PCDHGB1: variants seen among roughly 807,000 people sequenced by gnomAD.
PCDHGB1 encodes protocadherin gamma subfamily B, 1.
PCDHGB1 carries 34 observed loss-of-function variants against 56.6 expected under a neutral mutation model. The observed-to-expected ratio is 0.60, with a 90% CI of 0.46 to 0.80. The LOEUF is 0.80. Among genes scored for constraint, PCDHGB1 ranks in the 30% least tolerant of loss-of-function variants. PCDHGB1 has a pLI of 0.00. For synonymous variants in PCDHGB1, 561 were observed against 505.9 expected (o/e 1.11, Z -1.46); for missense variants, 1,278 against 1,204.6 (o/e 1.06, Z -0.90).
intron 1 of PCDHGB1, chr5:141,365,522 G>A (rs771198048): frequency 1.9e-6 from 3 of 1,613,770 alleles, no homozygotes; most frequent in African/African-American, 1.3e-5. Context: ...GGAGAAGTCA[G>A]TTGATAATTA....
chr5:141,394,393 A>G lies in PCDHGB1; in HGVS notation c.2409+41724A>G, dbSNP rs201461446. ...TCTTTCGACTATGAGCAGATCCGAG[A>G]CCTGCAGCTACTGGTAACAGCCAGC... On this transcript the variant is annotated intron_variant, in intron 1 of 3. Coordinates refer to ENST00000523390, the MANE Select transcript of PCDHGB1 (RefSeq NM_018922.3). The G allele has an allele frequency of 4.3e-4, 696 of 1,614,048 alleles. No individual in the cohort carries two copies. The highest frequency in any genetic ancestry group is 5.7e-4 in the Non-Finnish European group (671 of 1,180,036).
At chr5:141,366,182 G>T (rs1449596963) in intron 1 of PCDHGB1, 4 of 1,613,888 alleles carry the variant, frequency 2.5e-6, no homozygotes, top group African/African-American at 1.3e-5. Flanking sequence ...AGGACTCTTT[G>T]CGGTTGGGCT....
In PCDHGB1 at chr5:141,375,798, C is replaced by T. The variant is rs368947176; in HGVS notation, c.2409+23129C>T. On this transcript the variant is annotated intron_variant, in intron 1 of 3. Coordinates refer to ENST00000523390, the MANE Select transcript of PCDHGB1 (RefSeq NM_018922.3). ...TACCCCGCCCTCCCCACAGACGGTT[C>T]CACTGGCGTGGAGCTGGCGCCCCGC... 11 of 1,614,124 alleles carry T rather than the reference C, an allele frequency of 6.8e-6. No individual in the cohort carries two copies. The African/African-American group carries it at 1.1e-4, about 16-fold the overall frequency.
chr5:141,503,598 CAAAAA>C (rs765754054), intron 2 of PCDHGB1, among the ~76,000 whole-genome samples: 1 of 65,760 alleles, frequency 1.5e-5, no homozygotes, highest in African/African-American at 4.7e-5. Context: ...GACTCCAGCT[CAAAAA>C]AAAAAAAAAA....
rs186490614 is a variant in PCDHGB1 at position 141,415,986 on chromosome 5, T to A, written c.2409+63317T>A. 2.6e-4 allele frequency: 85 copies of A among 328,664 alleles called. 1 individual carries two copies. The highest frequency in any genetic ancestry group is 1.7e-3 in the African/African-American group (80 of 46,398). 20.4% of individuals were successfully genotyped at this position (328,664 alleles called of 1,614,324 possible). On this transcript the variant is annotated intron_variant, in intron 1 of 3. Transcript: ENST00000523390. ...CCAGCCCCTTAAGCAACCCTCTTGT[T>A]CTGAAGGCAGGTCTGGTAAGAATAG...
At chr5:141,389,445 G>A (rs749321526) in intron 1 of PCDHGB1, 7 of 1,610,526 alleles carry the variant, frequency 4.3e-6, no homozygotes, top group Non-Finnish European at 5.1e-6. Context: ...CTTCGACCAC[G>A]AGCAGCTGCG....
intron 1 of PCDHGB1, chr5:141,415,453 G>A (rs759873920): frequency 1.9e-6 from 3 of 1,614,176 alleles, no homozygotes. Context: ...CTATTCCCAC[G>A]AGGTCTCTCT....
At chr5:141,400,036 C>G (rs1232257433) in intron 1 of PCDHGB1, 28 of 1,613,256 alleles carry the variant, frequency 1.7e-5, no homozygotes, top group Non-Finnish European at 2.4e-5. Context: ...GGCCCGCCAG[C>G]GCCTGCTGGT....
intron 1 of PCDHGB1, chr5:141,399,280 G>T (rs750453381): frequency 6.2e-7 from 1 of 1,613,836 alleles, no homozygotes; most frequent in Non-Finnish European, 8.5e-7. Flanking sequence ...ATTACAAGGC[G>T]AAGTCCCTTT....
rs2099411033 is a variant in PCDHGB1, at chr5:141,477,423, C to T, written c.2410-17384C>T. ...ACCGCCCGAGACGCCGGAACCCCTT[C>T]CCTCTCAGCCCTTACAATAGTGCGT... On this transcript the variant is annotated intron_variant, in intron 1 of 3. Coordinates refer to ENST00000523390, the MANE Select transcript of PCDHGB1 (RefSeq NM_018922.3). This position sits in a 1 kb window ranked among gnomAD's most constrained non-coding sequence, Gnocchi z 4.9. 1.9e-6 allele frequency: 3 copies of T among 1,614,196 alleles called. No individual in the cohort carries two copies. The highest frequency in any genetic ancestry group is 2.2e-5 in the East Asian group (1 of 44,882).
rs1228831823 is a variant in PCDHGB1, at chr5:141,487,778, T to C, written c.2410-7029T>C. ...GGTAGACGCTGTGCTTTGTAACTGT[T>C]TCGTGAATTAACCAGAGTTGTCACA... On this transcript the variant is annotated intron_variant, in intron 1 of 3. Coordinates refer to ENST00000523390, the MANE Select transcript of PCDHGB1 (RefSeq NM_018922.3). The surrounding 1 kb of genome is among the most constrained non-coding windows in gnomAD (Gnocchi z 5.0). The C allele has an allele frequency of 6.5e-7, 1 of 1,531,514 alleles. No individual in the cohort carries two copies. The highest frequency in any genetic ancestry group is 2.0e-5 in the Admixed American group (1 of 49,632). 94.9% of individuals were successfully genotyped at this position (1,531,514 alleles called of 1,614,324 possible).
At chr5:141,468,889 G>T (rs2099184580) in intron 1 of PCDHGB1, among the ~76,000 whole-genome samples, 1 of 151,496 alleles carries the variant, frequency 6.6e-6, no homozygotes, top group African/African-American at 2.4e-5. Flanking sequence ...ATAATAATAA[G>T]GTACTAATAT....
chr5:141,376,417 G>A (rs750081761), intron 1 of PCDHGB1: 30 of 1,614,148 alleles, frequency 1.9e-5, no homozygotes, highest in Non-Finnish European at 2.5e-5. Context: ...ATGCCGACAC[G>A]CTTATCAACC....
chr5:141,366,358 C>G (rs746214325), intron 1 of PCDHGB1: 8 of 1,614,016 alleles, frequency 5.0e-6, no homozygotes, highest in Non-Finnish European at 6.8e-6. Context: ...CTGACCTAGG[C>G]AGTATCAAGA....
Position 141,447,048 on chromosome 5 carries a change from A to G in PCDHGB1, c.2410-47759A>G, listed in dbSNP as rs149112101. Among the ~76,000 whole-genome samples, 216 of 152,182 alleles carry G rather than the reference A, an allele frequency of 1.4e-3. 1 individual carries two copies. Among genetic ancestry groups the G allele is most frequent in the African/African-American group, 4.8e-3 (198 of 41,512 alleles). On this transcript the variant is annotated intron_variant, in intron 1 of 3. Transcript: ENST00000523390. ...GTTTTTTTTCTGTGTCTGGAATTCT[A>G]TTAAAATGTGTCAGGCTGTTTTAAT...
rs776718024 is a variant in PCDHGB1 at position 141,486,333 on chromosome 5, T to C, written c.2410-8474T>C. 8.1e-6 allele frequency: 13 copies of C among 1,614,080 alleles called. No individual in the cohort carries two copies. Among genetic ancestry groups the C allele is most frequent in the Non-Finnish European group, 1.1e-5 (13 of 1,179,998 alleles). On this transcript the variant is annotated intron_variant, in intron 1 of 3. Coordinates refer to ENST00000523390, the MANE Select transcript of PCDHGB1 (RefSeq NM_018922.3). The surrounding 1 kb of genome is among the most constrained non-coding windows in gnomAD (Gnocchi z 5.0). ...TCAGGGTCAAACGGAGATGTGAGCC[T>C]CCGCATTCCTGACCACTTGCCATTT...
At chr5:141,412,367 A>C (rs1055060515) in intron 1 of PCDHGB1, 3 of 152,264 alleles carry the variant, frequency 2.0e-5, no homozygotes, top group Admixed American at 6.5e-5. Flanking sequence ...TTACCTGCTT[A>C]ATCATTTAAA....
In PCDHGB1 at chr5:141,354,118, A is replaced by G. The variant is rs141568645; in HGVS notation, c.2409+1449A>G. Among the ~76,000 whole-genome samples the G allele has an allele frequency of 7.0e-4, 106 of 152,356 alleles. No individual in the cohort carries two copies. In the East Asian group the frequency reaches 0.014, roughly 20 times the overall value. Reference sequence around the variant, plus strand: ...ATTTCTAAAATGAGAGCTAAAGTAAAGTTAGAAATTGTAAAATAATACTGA... The same window carrying G: ...ATTTCTAAAATGAGAGCTAAAGTAAGGTTAGAAATTGTAAAATAATACTGA... On this transcript the variant is annotated intron_variant, in intron 1 of 3. Transcript: ENST00000523390.
intron 1 of PCDHGB1, among the ~76,000 whole-genome samples, chr5:141,456,538 A>T (rs1010588747): frequency 7.2e-5 from 11 of 152,184 alleles, no homozygotes; most frequent in Admixed American, 3.3e-4. Context: ...TTAAAGAGGG[A>T]TTGTAGCCAC....
Sources: allele counts gnomAD v4.1 joint callset (sites outside exome capture counted in the v4.1 genomes callset), GRCh38; gene constraint gnomAD v4.1.1; non-coding constraint Gnocchi (gnomAD v3.1); transcripts MANE v1.5; gene names NCBI Gene and HGNC (gene_info 2026-07-23, HGNC 2026-07-21).